The following TMEM268 variants were observed in gnomAD, a reference collection of about 807,000 sequenced individuals.
TMEM268 encodes the protein transmembrane protein 268, also known as transmembrane protein C9orf91.
A neutral mutation model predicts 39.1 loss-of-function variants in TMEM268; 24 were observed. The ratio of observed to expected loss-of-function variants is 0.61; its 90% CI spans 0.44 to 0.86. The LOEUF (loss-of-function observed/expected upper bound fraction) is 0.86. Ranked by LOEUF, TMEM268 falls within the 40% of genes least tolerant of loss-of-function variation. TMEM268 has a pLI of 0.00. For missense variants in TMEM268, 409 were observed against 428.6 expected, an observed-to-expected ratio of 0.95 and a Z score of 0.40; for synonymous variants, 176 against 173.5, an observed-to-expected ratio of 1.01 and a Z score of -0.12.
intron 8 of TMEM268, among the ~76,000 whole-genome samples, chr9:114,639,828 T>G (rs1224369364): frequency 6.7e-6 from 1 of 149,860 alleles, no homozygotes; most frequent in African/African-American, 2.4e-5. Context: ...AAGTTGATCC[T>G]TCCGCCTCAG....
the TMEM268 span, among the ~76,000 whole-genome samples, chr9:114,605,025 G>A: frequency 0.36 from 54,482 of 152,064 alleles, 9,849 homozygotes; most frequent in Admixed American, 0.41. Flanking sequence ...TTGGCTTCCT[G>A]TAACCCCAGT....
chr9:114,637,528 A>G (rs1335800415), intron 7 of TMEM268, among the ~76,000 whole-genome samples: 1 of 152,122 alleles, frequency 6.6e-6, no homozygotes, highest in Admixed American at 6.6e-5. Context: ...TCCTGACCTC[A>G]GGTGATCCGT....
intron 1 of TMEM268, among the ~76,000 whole-genome samples, chr9:114,613,472 C>T (rs1845585731): frequency 6.6e-6 from 1 of 152,174 alleles, no homozygotes; most frequent in Non-Finnish European, 1.5e-5. Flanking sequence ...ATTATATCTG[C>T]CTCAGGGGCC....
Position 114,627,005 on chromosome 9 carries a change from T to C in TMEM268, c.323T>C (p.Val108Ala), listed in dbSNP as rs377294473. Residue 108 changes from valine to alanine, a missense_variant and splice_region_variant, in exon 4 of 9, where the codon GTG becomes GCG. Coordinates refer to ENST00000288502, the MANE Select transcript of TMEM268 (RefSeq NM_153045.4). ...AGGCCTATGCGGCTGGCCTTTGCTG[T>C]GGTAAGGGGGAGGTGGCCCGCACAC... ...NSRPMRLAFA[V>A]VFYVVVWANI... is the part of the protein sequence containing the mutation. 23 of 1,605,406 alleles carry C rather than the reference T, an allele frequency of 1.4e-5. No individual in the cohort carries two copies. Among genetic ancestry groups the C allele is most frequent in the Non-Finnish European group, 2.0e-5 (23 of 1,172,692 alleles).
Position 114,638,639 on chromosome 9 carries a change from T to A in TMEM268, c.762T>A (p.Ala254=). The A allele has an allele frequency of 6.2e-7, 1 of 1,610,260 alleles. No homozygotes were observed. The highest frequency in any genetic ancestry group is 8.5e-7 in the Non-Finnish European group (1 of 1,178,480). ...TAEGPENLED[A]PLLPGNSCPN... ...AGGGGCCTGAGAACTTGGAGGATGC[T>A]CCTCTCCTGCCCGGCAATTCTTGTC... is the stretch of plus-strand genomic sequence containing the variant. Residue 254 remains alanine, a synonymous_variant, in exon 8 of 9, where the codon GCT becomes GCA. Transcript: ENST00000288502.
At chr9:114,615,870 T>G (rs138031533) in intron 1 of TMEM268, among the ~76,000 whole-genome samples, 1,770 of 151,888 alleles carry the variant, frequency 0.012, 33 homozygotes, top group African/African-American at 0.041. Context: ...TTTGTATTTT[T>G]TAGGAGAGAC....
chr9:114,607,084 C>T (rs1262129398), upstream of TMEM268, among the ~76,000 whole-genome samples: 3 of 152,162 alleles, frequency 2.0e-5, no homozygotes, highest in Non-Finnish European at 2.9e-5. Context: ...ACAGACACAA[C>T]AGGACAGATG....
intron 7 of TMEM268, 44 bp downstream of exon 7, chr9:114,637,114 C>G: frequency 7.9e-7 from 1 of 1,262,016 alleles, no homozygotes; most frequent in Non-Finnish European, 1.2e-6. Context: ...ACCAGGAGGC[C>G]AAGTTGTATC....
Position 114,628,194 on chromosome 9 carries a change from G to C in TMEM268, c.418G>C (p.Ala140Pro). 2 of 1,614,164 alleles carry C rather than the reference G, an allele frequency of 1.2e-6. No individual in the cohort carries two copies. The highest frequency in any genetic ancestry group is 1.7e-6 in the Non-Finnish European group (2 of 1,180,028). The change falls in exon 5 of 9, where the codon GCC (alanine) becomes CCC (proline). Residue 140 changes from alanine (A) to proline (P), a missense_variant. By Grantham distance (27) the Ala-to-Pro change is conservative. Coordinates refer to ENST00000288502, the MANE Select transcript of TMEM268 (RefSeq NM_153045.4). ...HWAGMLLVTL[A>P]AVSLTLTLVL... ...GGCTGGCATGCTGCTCGTGACCCTG[G>C]CCGCGGTGAGCCTGACCTTGACTCT...
intron 6 of TMEM268, among the ~76,000 whole-genome samples, chr9:114,634,161 G>C (rs899306871): frequency 1.3e-5 from 2 of 152,174 alleles, no homozygotes; most frequent in African/African-American, 4.8e-5. Context: ...TCAGCAGACG[G>C]AGCCTCCTCT....
chr9:114,626,752 T>C (rs186322980), intron 3 of TMEM268, 147 bp from the exon 4 acceptor site: 14 of 565,606 alleles, frequency 2.5e-5, no homozygotes, highest in Non-Finnish European at 1.6e-5. Context: ...AGCTGCACCA[T>C]GTGACTTCCA....
intron 5 of TMEM268, among the ~76,000 whole-genome samples, chr9:114,631,660 T>G (rs541724160): frequency 3.3e-5 from 5 of 152,262 alleles, no homozygotes; most frequent in African/African-American, 1.2e-4. Flanking sequence ...GATACAGATT[T>G]CTAGAAGGAA....
the TMEM268 span, among the ~76,000 whole-genome samples, chr9:114,604,562 A>G: frequency 0.82 from 116,902 of 141,992 alleles, 48,573 homozygotes; most frequent in East Asian, 0.99. Flanking sequence ...CTCCAGCCTG[A>G]GTGACAGAGC....
rs756693244 is a variant in TMEM268, at chr9:114,617,839, TG to T, written c.106+542del. 5.3e-5 allele frequency among the ~76,000 whole-genome samples: 8 copies of T among 152,172 alleles called. No homozygotes were observed. The East Asian group carries it at 1.3e-3, about 26-fold the overall frequency. On this transcript the variant is annotated intron_variant, in intron 2 of 8. Transcript: ENST00000288502. ...CTCTGGCTTTGCCTTCCCAAAGTGCTGGGGTTACAGGAATGGGGCCCAGAGG... is the reference window on the plus strand; with the variant it reads ...CTCTGGCTTTGCCTTCCCAAAGTGCTGGGTTACAGGAATGGGGCCCAGAGG...
the TMEM268 span, among the ~76,000 whole-genome samples, chr9:114,604,393 C>T: frequency 1.9e-4 from 29 of 151,936 alleles, 1 homozygote; most frequent in African/African-American, 5.1e-4. Flanking sequence ...GCCTGGCCAA[C>T]ATAGCGAAAC....
chr9:114,620,529 G>A (rs961000426), intron 2 of TMEM268, among the ~76,000 whole-genome samples: 11 of 152,084 alleles, frequency 7.2e-5, no homozygotes, highest in South Asian at 6.2e-4. Context: ...GACTGCAGGC[G>A]TGAGCCACCA....
intron 5 of TMEM268, among the ~76,000 whole-genome samples, chr9:114,631,454 A>T (rs4979448): frequency 0.69 from 104,570 of 151,834 alleles, 36,148 homozygotes; most frequent in East Asian, 0.73. Flanking sequence ...TGATATTATC[A>T]GCTGACATGT....
chr9:114,622,255 A>G, intron 2 of TMEM268: 2 of 985,374 alleles, frequency 2.0e-6, no homozygotes, highest in Non-Finnish European at 2.4e-6. Context: ...TCAGCAGACA[A>G]CACACTTATG....
At chr9:114,620,699 T>C (rs1845913650) in intron 2 of TMEM268, among the ~76,000 whole-genome samples, 1 of 152,240 alleles carries the variant, frequency 6.6e-6, no homozygotes, top group Non-Finnish European at 1.5e-5. Context: ...GCCAGTTATT[T>C]TGTACCCATC....
Sources: allele counts gnomAD v4.1 joint callset (sites outside exome capture counted in the v4.1 genomes callset), GRCh38; gene constraint gnomAD v4.1.1; transcripts MANE v1.5; gene names NCBI Gene and HGNC (gene_info 2026-07-23, HGNC 2026-07-21).